GAN: variants seen among roughly 807,000 people sequenced by gnomAD.
The protein encoded by GAN is epididymis secretory sperm binding protein.
GAN carries 48 observed loss-of-function variants against 71.3 expected under a neutral mutation model. The ratio of observed to expected loss-of-function variants is 0.67; its 90% CI spans 0.53 to 0.86. The LOEUF is 0.86. Ranked by LOEUF, GAN falls within the 40% of genes least tolerant of loss-of-function variation. The pLI, the probability that GAN is intolerant of heterozygous loss-of-function variation, is 0.00. For synonymous variants in GAN, 386 were observed against 276.8 expected (o/e 1.39, Z -3.92); for missense variants, 928 against 770.1 (o/e 1.21, Z -2.43).
chr16:81,321,122 A>G (rs1909209220), intron 1 of GAN, among the ~76,000 whole-genome samples: 1 of 152,230 alleles, frequency 6.6e-6, no homozygotes, highest in African/African-American at 2.4e-5. Flanking sequence ...TATTTTATAT[A>G]ACACAGTGGT....
At chr16:81,318,562 C>T (rs1034366065) in intron 1 of GAN, among the ~76,000 whole-genome samples, 1 of 152,190 alleles carries the variant, frequency 6.6e-6, no homozygotes. Context: ...ATGTGCCCAA[C>T]AAAGGAAGCC....
At chr16:81,376,934 C>G (rs903278141) in intron 9 of GAN, among the ~76,000 whole-genome samples, 6 of 152,164 alleles carry the variant, frequency 3.9e-5, no homozygotes, top group African/African-American at 1.4e-4. Flanking sequence ...ATGACAGATG[C>G]AAACAACAGT....
chr16:81,343,654 C>A (rs979822934), intron 1 of GAN, among the ~76,000 whole-genome samples: 4 of 152,172 alleles, frequency 2.6e-5, no homozygotes, highest in African/African-American at 4.8e-5. Context: ...AACCCAGAGC[C>A]AATATCATCC....
chr16:81,342,577 A>C (rs969217328), intron 1 of GAN, among the ~76,000 whole-genome samples: 4 of 152,244 alleles, frequency 2.6e-5, no homozygotes, highest in African/African-American at 9.6e-5. Flanking sequence ...TTTTCTTTGA[A>C]ACCAATGAGA....
chr16:81,343,912 C>A (rs752934071), intron 1 of GAN, among the ~76,000 whole-genome samples: 1 of 152,200 alleles, frequency 6.6e-6, no homozygotes, highest in African/African-American at 2.4e-5. Flanking sequence ...TAAACAACTT[C>A]AGCAAAGTCT....
intron 1 of GAN, among the ~76,000 whole-genome samples, chr16:81,338,091 G>A (rs948075985): frequency 6.6e-6 from 1 of 152,134 alleles, no homozygotes; most frequent in Non-Finnish European, 1.5e-5. Context: ...GAGGGGAAAT[G>A]TCTTGCCCTA....
In GAN at chr16:81,354,507, A is replaced by C; in HGVS notation, c.385A>C (p.Ile129Leu). 6.2e-7 allele frequency: 1 copy of C among 1,614,084 alleles called. No homozygotes were observed. Among genetic ancestry groups the C allele is most frequent in the Non-Finnish European group, 8.5e-7 (1 of 1,179,928 alleles). The change falls in exon 3 of 11, where the codon ATT becomes CTT. Residue 129 changes from isoleucine (I) to leucine (L), a missense_variant. By Grantham distance (5) the Ile-to-Leu change is conservative. Transcript: ENST00000648994. ...TLCCEFLEGC[I>L]AAENCIGIRD... is the part of the protein sequence containing the mutation. ...GTGCTGTGAGTTTTTGGAAGGCTGC[A>C]TTGCTGCTGAGAACTGTATTGGTAT...
intron 1 of GAN, among the ~76,000 whole-genome samples, chr16:81,330,290 G>A (rs1909532956): frequency 6.6e-6 from 1 of 152,228 alleles, no homozygotes; most frequent in Admixed American, 6.5e-5. Flanking sequence ...CAGAGACAAG[G>A]CTGATTCAGT....
chr16:81,361,451 G>C (rs1484666896), intron 5 of GAN, among the ~76,000 whole-genome samples: 1 of 152,144 alleles, frequency 6.6e-6, no homozygotes, highest in African/African-American at 2.4e-5. Context: ...TACGAATTCT[G>C]GTTGGCCTTC....
intron 1 of GAN, among the ~76,000 whole-genome samples, chr16:81,339,202 GA>G (rs2150676752): frequency 6.6e-6 from 1 of 152,292 alleles, no homozygotes; most frequent in Admixed American, 6.5e-5. Flanking sequence ...TCATTACAAA[GA>G]CAAGCACTCA....
rs1904311869 is a variant in GAN, at chr16:81,382,749, T to C, written c.*5153T>C. 6.6e-6 allele frequency: 1 copy of C among 152,246 alleles called. No homozygotes were observed. Among genetic ancestry groups the C allele is most frequent in the Non-Finnish European group, 1.5e-5 (1 of 68,050 alleles). The allele number at this position is 152,246 out of a possible 1,614,324, so 9.4% of individuals were successfully genotyped here. A position where few individuals can be genotyped will look rare whatever the true frequency, so the allele number is the denominator to read the frequency against. On this transcript the variant is annotated 3_prime_UTR_variant, in exon 11 of 11. Transcript: ENST00000648994. ...TGCTGGCAGTTAAGTCTCAGTGGTA[T>C]TGACTGCTAGGCATTTTCTATATTT...
intron 1 of GAN, among the ~76,000 whole-genome samples, chr16:81,334,493 G>A (rs1909689257): frequency 6.6e-6 from 1 of 152,198 alleles, no homozygotes; most frequent in Admixed American, 6.5e-5. Context: ...TGAGTAGTGA[G>A]CAGAGAAGCG....
intron 2 of GAN, among the ~76,000 whole-genome samples, chr16:81,351,952 C>G (rs1416804006): frequency 6.6e-6 from 1 of 152,184 alleles, no homozygotes; most frequent in Non-Finnish European, 1.5e-5. Context: ...GCTCCACCTT[C>G]TCATATGAGA....
intron 1 of GAN, among the ~76,000 whole-genome samples, chr16:81,321,465 A>C (rs1909221139): frequency 6.6e-6 from 1 of 152,116 alleles, no homozygotes; most frequent in African/African-American, 2.4e-5. Flanking sequence ...TTGTTATATA[A>C]TTTAGGATTG....
intron 1 of GAN, among the ~76,000 whole-genome samples, chr16:81,319,204 G>T (rs55716373): frequency 6.4e-5 from 2 of 31,268 alleles, no homozygotes; most frequent in African/African-American, 2.3e-4. Context: ...AATAGATATA[G>T]ATTATATATA....
At position 81,377,461 on chromosome 16, in the gene GAN, C is replaced by T; in HGVS notation, c.1659C>T (p.Thr553=). ...YVREFKRSTG[T]WHHTKPLLPS... ...GTGAGTTTAAAAGAAGCACAGGAAC[C>T]TGGCACCACACTAAACCACTCCTTC... The change falls in exon 11 of 11, where the codon ACC becomes ACT. Residue 553 remains threonine (T), a synonymous_variant. Coordinates refer to ENST00000648994, the MANE Select transcript of GAN (RefSeq NM_022041.4). The T allele has an allele frequency of 1.2e-6, 2 of 1,614,140 alleles. No homozygotes were observed. Among genetic ancestry groups the T allele is most frequent in the South Asian group, 1.1e-5 (1 of 91,090 alleles).
At chr16:81,354,330 C>T (rs747538415) in intron 2 of GAN, 75 bp from the exon 3 acceptor site, 36 of 884,744 alleles carry the variant, frequency 4.1e-5, no homozygotes, top group Non-Finnish European at 6.3e-5. Flanking sequence ...TTTCATGTGG[C>T]CCCAATTAAT....
At chr16:81,351,431 A>C in intron 1 of GAN, 152 bp from the exon 2 acceptor site, 1 of 612,328 alleles carries the variant, frequency 1.6e-6, no homozygotes, top group Non-Finnish European at 2.9e-6. Flanking sequence ...AAGTTATAGA[A>C]ATACATAGAC....
At chr16:81,338,870 C>G (rs1165041244) in intron 1 of GAN, among the ~76,000 whole-genome samples, 2 of 152,186 alleles carry the variant, frequency 1.3e-5, no homozygotes, top group South Asian at 2.1e-4. Flanking sequence ...CCAACTTTCA[C>G]TTCATTCTTG....
Sources: allele counts gnomAD v4.1 joint callset (sites outside exome capture counted in the v4.1 genomes callset), GRCh38; gene constraint gnomAD v4.1.1; transcripts MANE v1.5; gene names NCBI Gene and HGNC (gene_info 2026-07-23, HGNC 2026-07-21).